Variants in PXDNL observed in about 807,000 individuals in gnomAD.
PXDNL encodes peroxidasin like.
Under a neutral mutation model 150.8 loss-of-function variants are expected in PXDNL, and 145 were observed. The ratio of observed to expected loss-of-function variants is 0.96; its 90% CI spans 0.84 to 1.10. PXDNL has a LOEUF of 1.10. Ranked by LOEUF, PXDNL falls within the 50% of genes least tolerant of loss-of-function variation. The probability of loss-of-function intolerance (pLI) is 0.00; values close to 1 mark genes in which losing one functional copy is unlikely to be tolerated. For missense variants in PXDNL, 2,087 were observed against 1,873.9 expected (o/e 1.11, Z -2.10); for synonymous variants, 757 against 725.7 (o/e 1.04, Z -0.69).
At chr8:51,339,350 C>T (rs947455294) in intron 21 of PXDNL, among the ~76,000 whole-genome samples, 1 of 152,150 alleles carries the variant, frequency 6.6e-6, no homozygotes, top group Non-Finnish European at 1.5e-5. Context: ...ATCCCAGCTA[C>T]TTGGGAGGCT....
intron 4 of PXDNL, among the ~76,000 whole-genome samples, chr8:51,533,508 T>TCCCCCTCCCCCTCCCC (rs1585556283): frequency 2.8e-5 from 1 of 36,258 alleles, no homozygotes; most frequent in African/African-American, 1.1e-4. Context: ...TCCCCCTCCC[T>TCCCCCTCCCCCTCCCC]CTCCCTCTCC....
intron 21 of PXDNL, among the ~76,000 whole-genome samples, chr8:51,326,279 C>T (rs919251816): frequency 6.6e-6 from 1 of 152,176 alleles, no homozygotes; most frequent in Admixed American, 6.5e-5. Context: ...AGGTGGATCA[C>T]TTGAGGTCAG....
At chr8:51,569,221 G>A (rs193161166) in intron 3 of PXDNL, among the ~76,000 whole-genome samples, 3 of 152,022 alleles carry the variant, frequency 2.0e-5, no homozygotes, top group Non-Finnish European at 4.4e-5. Context: ...TAATTTTTCA[G>A]TACTGAAAGG....
chr8:51,538,413 G>C (rs1413779908), intron 4 of PXDNL, among the ~76,000 whole-genome samples: 1 of 151,946 alleles, frequency 6.6e-6, no homozygotes, highest in Non-Finnish European at 1.5e-5. Flanking sequence ...TCAGACTGAG[G>C]GGATGATTAG....
intron 2 of PXDNL, among the ~76,000 whole-genome samples, chr8:51,609,776 C>A (rs1172286759): frequency 6.6e-6 from 1 of 152,034 alleles, no homozygotes; most frequent in African/African-American, 2.4e-5. Flanking sequence ...GCTTGAAATG[C>A]CTTTTGTTTC....
chr8:51,533,949 G>A (rs970341472), intron 4 of PXDNL, among the ~76,000 whole-genome samples: 3 of 147,430 alleles, frequency 2.0e-5, no homozygotes, highest in Non-Finnish European at 4.5e-5. Context: ...GCCCCCCATC[G>A]TCTGGGATAC....
rs866774558 is a variant in PXDNL, at chr8:51,499,748, C to A, written c.403G>T (p.Glu135Ter). The A allele has an allele frequency of 1.2e-6, 2 of 1,613,198 alleles. No individual in the cohort carries two copies. The highest frequency in any genetic ancestry group is 1.7e-6 in the Non-Finnish European group (2 of 1,179,408). Reference protein sequence around the residue: ...EHLYIHFNQLEMLQPETFGDL... With the variant: ...EHLYIHFNQL The stretch of plus-strand genomic sequence containing the variant: ...CCAAAGGTCTCTGGCTGTAGCATTT[C>A]TAGTTGGTTGAAATGAATATACCTG... Residue 135 changes from glutamate (E) to a stop codon, truncating the protein, a stop_gained, in exon 5 of 23, where the codon GAA becomes TAA. Transcript: ENST00000356297. LOFTEE classifies it high-confidence loss of function.
chr8:51,720,792 C>A (rs940305564), intron 1 of PXDNL, among the ~76,000 whole-genome samples: 1 of 152,238 alleles, frequency 6.6e-6, no homozygotes, highest in Non-Finnish European at 1.5e-5. Flanking sequence ...CTAGTGGTCA[C>A]GGCGCTTTTC....
intron 2 of PXDNL, among the ~76,000 whole-genome samples, chr8:51,641,897 A>C (rs1217442923): frequency 1.3e-5 from 2 of 152,208 alleles, no homozygotes; most frequent in Non-Finnish European, 2.9e-5. Context: ...CTATAAAGAC[A>C]CATGCACACG....
chr8:51,455,115 C>CAAAAAAAAAAAAAAAAAAAAAAAAA (rs536468204), intron 9 of PXDNL, among the ~76,000 whole-genome samples: 1 of 15,860 alleles, frequency 6.3e-5, no homozygotes, highest in Non-Finnish European at 1.1e-4. Context: ...GACTCCGTCT[C>CAAAAAAAAAAAAAAAAAAAAAAAAA]AAAAAAAAAA....
intron 1 of PXDNL, among the ~76,000 whole-genome samples, chr8:51,738,129 A>T (rs1260863927): frequency 1.3e-5 from 2 of 152,222 alleles, no homozygotes; most frequent in Non-Finnish European, 2.9e-5. Context: ...GCTTTTCTGC[A>T]TCCTTTTATC....
chr8:51,727,832 A>T (rs1816843284), intron 1 of PXDNL, among the ~76,000 whole-genome samples: 1 of 152,122 alleles, frequency 6.6e-6, no homozygotes, highest in Admixed American at 6.5e-5. Context: ...CTCAGTGCTC[A>T]CTCTAGCAGA....
At chr8:51,608,649 A>T (rs908389138) in intron 2 of PXDNL, among the ~76,000 whole-genome samples, 1 of 149,000 alleles carries the variant, frequency 6.7e-6, no homozygotes, top group East Asian at 2.0e-4. Context: ...CATCCTGGCT[A>T]ACACGGTGAA....
intron 17 of PXDNL, among the ~76,000 whole-genome samples, chr8:51,377,254 C>T (rs1807351254): frequency 1.0e-5 from 1 of 96,540 alleles, no homozygotes; most frequent in Non-Finnish European, 2.4e-5. Context: ...GTTTTTCCTT[C>T]TAGGGGATTT....
chr8:51,688,983 G>C (rs1479734465), intron 1 of PXDNL, among the ~76,000 whole-genome samples: 1 of 152,182 alleles, frequency 6.6e-6, no homozygotes, highest in Non-Finnish European at 1.5e-5. Context: ...CTCTTGGCTG[G>C]ATGGGCCCCA....
chr8:51,521,580 T>C lies in PXDNL; in HGVS notation c.381-21810A>G, dbSNP rs563334266. Among the ~76,000 whole-genome samples the C allele has an allele frequency of 2.6e-5, 4 of 152,174 alleles. No homozygotes were observed. In the East Asian group the frequency reaches 5.8e-4, roughly 22 times the overall value. ...AATAAATATTTAAAGAAATAAACAATGGCTTTTTTATAGAAGCAATAAAGG... is the reference window on the plus strand; with the variant it reads ...AATAAATATTTAAAGAAATAAACAACGGCTTTTTTATAGAAGCAATAAAGG... On this transcript the variant is annotated intron_variant, in intron 4 of 22. Coordinates refer to ENST00000356297, the MANE Select transcript of PXDNL (RefSeq NM_144651.5).
intron 1 of PXDNL, among the ~76,000 whole-genome samples, chr8:51,746,896 A>AT (rs918928828): frequency 6.6e-6 from 1 of 151,446 alleles, no homozygotes; most frequent in African/African-American, 2.4e-5. Context: ...TAACTTTTGT[A>AT]TTTTTTTGTA....
chr8:51,445,793 A>G (rs2129917695), intron 12 of PXDNL, among the ~76,000 whole-genome samples: 1 of 152,340 alleles, frequency 6.6e-6, no homozygotes, highest in Admixed American at 6.5e-5. Flanking sequence ...GTTGAACACC[A>G]ATTCAAAAGT....
intron 1 of PXDNL, among the ~76,000 whole-genome samples, chr8:51,766,288 C>T (rs1162321157): frequency 6.6e-6 from 1 of 152,186 alleles, no homozygotes; most frequent in African/African-American, 2.4e-5. Flanking sequence ...TTACTATTGT[C>T]ATGCAAATTT....
Sources: gnomAD v4.1 joint callset for allele counts (sites outside exome capture counted in the v4.1 genomes callset) on GRCh38, gnomAD v4.1.1 for gene constraint, MANE v1.5 for transcripts, NCBI Gene and HGNC (gene_info 2026-07-23, HGNC 2026-07-21) for gene names.